The following MACROD2 variants were observed in gnomAD, a reference collection of about 807,000 sequenced individuals.
The protein encoded by MACROD2 is ADP-ribose glycohydrolase MACROD2.
MACROD2 carries 36 observed loss-of-function variants against 70.4 expected under a neutral mutation model. The ratio of observed to expected loss-of-function variants is 0.51; its 90% CI spans 0.39 to 0.68. The LOEUF is 0.68. Ranked by LOEUF, MACROD2 falls within the 30% of genes least tolerant of loss-of-function variation. MACROD2 has a pLI of 0.00. For missense variants in MACROD2, 496 were observed against 538.4 expected (o/e 0.92, Z 0.78); for synonymous variants, 172 against 178.8 (o/e 0.96, Z 0.30).
chr20:15,341,560 G>C (rs546449987), intron 6 of MACROD2, among the ~76,000 whole-genome samples: 1 of 152,094 alleles, frequency 6.6e-6, no homozygotes, highest in Non-Finnish European at 1.5e-5. Flanking sequence ...TTCAAATAAT[G>C]GTTTTGACAT....
chr20:14,044,740 CA>C (rs1569131891), intron 2 of MACROD2, among the ~76,000 whole-genome samples: 1 of 152,202 alleles, frequency 6.6e-6, no homozygotes, highest in Non-Finnish European at 1.5e-5. Context: ...AAGTCACCAC[CA>C]GACTCAGGAG....
intron 5 of MACROD2, among the ~76,000 whole-genome samples, chr20:14,688,759 C>T (rs1434597016): frequency 6.6e-6 from 1 of 152,150 alleles, no homozygotes; most frequent in African/African-American, 2.4e-5. Context: ...AAGTAGTCAG[C>T]TTCACATAGG....
chr20:14,325,664 A>C, intron 3 of MACROD2: 1 of 1,613,838 alleles, frequency 6.2e-7, no homozygotes, highest in East Asian at 2.2e-5. Context: ...TTAGGAGGAA[A>C]TATGGTGTGT....
At chr20:15,796,640 T>C (rs1174412510) in intron 8 of MACROD2, among the ~76,000 whole-genome samples, 1 of 152,184 alleles carries the variant, frequency 6.6e-6, no homozygotes, top group Non-Finnish European at 1.5e-5. Context: ...GTCAAAAGTA[T>C]AAGAGGTCAT....
intron 5 of MACROD2, among the ~76,000 whole-genome samples, chr20:14,975,278 G>A (rs547106128): frequency 1.3e-5 from 2 of 152,266 alleles, no homozygotes; most frequent in East Asian, 1.9e-4. Flanking sequence ...AGGCTGAGAG[G>A]AGGAACAGAC....
Position 15,468,538 on chromosome 20 carries a change from A to C in MACROD2, c.572-31236A>C, listed in dbSNP as rs570243650. ...TCAAGAAAAAAAACAGCTTGTAGAC[A>C]AAGAGAGAAGCTCAGTGGCTGTGCA... On this transcript the variant is annotated intron_variant, in intron 7 of 17. Transcript: ENST00000684519. Among the ~76,000 whole-genome samples, 43 of 152,356 alleles carry C rather than the reference A, an allele frequency of 2.8e-4. 2 individuals carry two copies. In the South Asian group the frequency reaches 7.2e-3, roughly 26 times the overall value.
intron 5 of MACROD2, among the ~76,000 whole-genome samples, chr20:15,110,436 C>T (rs564059129): frequency 6.6e-6 from 1 of 151,932 alleles, no homozygotes; most frequent in Non-Finnish European, 1.5e-5. Context: ...ATACTAGAGG[C>T]AATACTTGGG....
At chr20:15,843,982 G>A (rs1337216744) in intron 8 of MACROD2, among the ~76,000 whole-genome samples, 2 of 151,418 alleles carry the variant, frequency 1.3e-5, no homozygotes, top group African/African-American at 2.4e-5. Context: ...GCCTTATATG[G>A]ATAATCTCAA....
intron 4 of MACROD2, among the ~76,000 whole-genome samples, chr20:14,500,001 G>A (rs1479333482): frequency 6.6e-6 from 1 of 152,208 alleles, no homozygotes; most frequent in Non-Finnish European, 1.5e-5. Context: ...AACAAAGGAA[G>A]TCAACAGCTT....
chr20:14,940,637 C>T (rs2074382167), intron 5 of MACROD2, among the ~76,000 whole-genome samples: 1 of 149,718 alleles, frequency 6.7e-6, no homozygotes, highest in Admixed American at 6.7e-5. Context: ...AATGCTTTTT[C>T]AGCATGTATC....
chr20:15,529,706 A>G (rs1018675971), intron 8 of MACROD2, among the ~76,000 whole-genome samples: 1 of 152,208 alleles, frequency 6.6e-6, no homozygotes, highest in African/African-American at 2.4e-5. Context: ...AACAAATCAA[A>G]TGAATCAGAT....
intron 5 of MACROD2, among the ~76,000 whole-genome samples, chr20:14,794,240 TTGTAGTTATATAC>T (rs1468308198): frequency 1.3e-5 from 2 of 152,172 alleles, no homozygotes; most frequent in Non-Finnish European, 2.9e-5. Flanking sequence ...AAGTAAACAT[TTGTAGTTATATAC>T]TCAAATTATC....
chr20:15,326,271 A>T (rs2146180879), intron 6 of MACROD2, among the ~76,000 whole-genome samples: 1 of 152,246 alleles, frequency 6.6e-6, no homozygotes, highest in South Asian at 2.1e-4. Flanking sequence ...TGCCTTTAAA[A>T]TGGAAATTTG....
intron 5 of MACROD2, among the ~76,000 whole-genome samples, chr20:15,031,624 G>C (rs1022970667): frequency 5.9e-5 from 9 of 152,170 alleles, no homozygotes; most frequent in Non-Finnish European, 1.3e-4. Flanking sequence ...CTAAGTGGAG[G>C]AGACCTGAAA....
In MACROD2 at chr20:14,319,326, A is replaced by G. The variant is rs368500086; in HGVS notation, c.272-174153A>G. Among the ~76,000 whole-genome samples, 4 of 152,304 alleles carry G rather than the reference A, an allele frequency of 2.6e-5. No individual in the cohort carries two copies. The South Asian group carries it at 8.3e-4, about 32-fold the overall frequency. ...CATCCTAGAGCCACAGTCATGGCTT[A>G]GGCCGCACCTCTTGGGCATCTCAAC... On this transcript the variant is annotated intron_variant, in intron 3 of 17. Transcript: ENST00000684519.
intron 4 of MACROD2, among the ~76,000 whole-genome samples, chr20:14,653,376 GC>G (rs1985793043): frequency 6.6e-6 from 1 of 151,974 alleles, no homozygotes; most frequent in Admixed American, 6.6e-5. Context: ...CCGCCACCAA[GC>G]CCGGCTAATT....
At chr20:15,470,457 C>T (rs755318403) in intron 7 of MACROD2, among the ~76,000 whole-genome samples, 11 of 152,188 alleles carry the variant, frequency 7.2e-5, no homozygotes, top group African/African-American at 1.4e-4. Context: ...GTACCATCTC[C>T]TCCTAACCTT....
intron 5 of MACROD2, among the ~76,000 whole-genome samples, chr20:14,969,361 TACACACACACACACACAC>T (rs3045701): frequency 7.2e-6 from 1 of 138,052 alleles, no homozygotes; most frequent in Admixed American, 7.4e-5. Flanking sequence ...TAAATGCTTT[TACACACACACACACACAC>T]ACACACACAC....
intron 8 of MACROD2, among the ~76,000 whole-genome samples, chr20:15,532,192 G>T (rs2047812701): frequency 6.6e-6 from 1 of 152,012 alleles, no homozygotes; most frequent in Non-Finnish European, 1.5e-5. Context: ...TTTGAATTCA[G>T]ATGTACAATG....
Sources: allele counts gnomAD v4.1 joint callset (sites outside exome capture counted in the v4.1 genomes callset), GRCh38; gene constraint gnomAD v4.1.1; transcripts MANE v1.5; gene names NCBI Gene and HGNC (gene_info 2026-07-23, HGNC 2026-07-21).